LRRC4C: variants seen among roughly 807,000 people sequenced by gnomAD.
LRRC4C encodes the protein leucine-rich repeat-containing protein 4C.
In LRRC4C, 5 loss-of-function variants were observed where a neutral mutation model predicts 33.6. That is an observed-to-expected ratio of 0.15 (90% CI 0.08 to 0.31). The LOEUF is 0.31. Among genes scored for constraint, LRRC4C ranks in the 10% least tolerant of loss-of-function variants. The pLI, the probability that LRRC4C is intolerant of heterozygous loss-of-function variation, is 1.00. For synonymous variants in LRRC4C, 329 were observed against 302.0 expected, an observed-to-expected ratio of 1.09 and a Z score of -0.93; for missense variants, 560 against 796.7, an observed-to-expected ratio of 0.70 and a Z score of 3.58.
At chr11:40,548,041 AT>A (rs1233040995) in intron 3 of LRRC4C, among the ~76,000 whole-genome samples, 3 of 152,092 alleles carry the variant, frequency 2.0e-5, no homozygotes, top group Admixed American at 1.3e-4. Flanking sequence ...TATGTCAAAG[AT>A]TAGTAAATGC....
At chr11:41,071,943 T>C (rs758762229) in intron 1 of LRRC4C, among the ~76,000 whole-genome samples, 2 of 152,140 alleles carry the variant, frequency 1.3e-5, no homozygotes, top group African/African-American at 2.4e-5. Flanking sequence ...GCAGATGTGA[T>C]AGAAATAGCA....
At chr11:40,298,400 G>T (rs1468671479) in intron 4 of LRRC4C, among the ~76,000 whole-genome samples, 1 of 150,570 alleles carries the variant, frequency 6.6e-6, no homozygotes, top group Non-Finnish European at 1.5e-5. Context: ...GATCTAGAAT[G>T]GTCTCAGCTA....
chr11:40,236,755 C>T (rs1865592238), intron 5 of LRRC4C, among the ~76,000 whole-genome samples: 1 of 151,966 alleles, frequency 6.6e-6, no homozygotes, highest in Non-Finnish European at 1.5e-5. Flanking sequence ...AGGGAGCTGC[C>T]CTGGAGAACA....
At chr11:41,245,086 C>T (rs771206599) in intron 1 of LRRC4C, among the ~76,000 whole-genome samples, 53 of 152,150 alleles carry the variant, frequency 3.5e-4, no homozygotes, top group Non-Finnish European at 6.5e-4. Flanking sequence ...CTCATCTTTC[C>T]TATCTTTCAG....
chr11:40,546,614 C>T (rs1371289382), intron 3 of LRRC4C, among the ~76,000 whole-genome samples: 3 of 151,984 alleles, frequency 2.0e-5, no homozygotes, highest in Non-Finnish European at 2.9e-5. Context: ...CATGGTCACC[C>T]AACCTACAGA....
At chr11:41,116,360 C>A (rs890725952) in intron 1 of LRRC4C, among the ~76,000 whole-genome samples, 3 of 152,008 alleles carry the variant, frequency 2.0e-5, no homozygotes, top group Non-Finnish European at 4.4e-5. Context: ...TTTAACAAAG[C>A]CCAATTACAT....
intron 1 of LRRC4C, among the ~76,000 whole-genome samples, chr11:41,395,015 T>C (rs1953749896): frequency 6.6e-6 from 1 of 151,930 alleles, no homozygotes; most frequent in African/African-American, 2.4e-5. Flanking sequence ...TAGGCTTCAA[T>C]AATGTCTGAA....
chr11:40,864,726 A>G (rs1954268519), intron 2 of LRRC4C, among the ~76,000 whole-genome samples: 1 of 152,294 alleles, frequency 6.6e-6, no homozygotes, highest in Non-Finnish European at 1.5e-5. Context: ...GAAGCTAATA[A>G]TTAATCTGCA....
At chr11:40,619,279 C>T (rs77857840) in intron 3 of LRRC4C, among the ~76,000 whole-genome samples, 1,966 of 151,702 alleles carry the variant, frequency 0.013, 47 homozygotes, top group African/African-American at 0.045. Context: ...TAACTTAATG[C>T]AATTGTATTA....
At chr11:40,884,113 G>A (rs962303691) in intron 2 of LRRC4C, among the ~76,000 whole-genome samples, 4 of 151,836 alleles carry the variant, frequency 2.6e-5, no homozygotes, top group African/African-American at 9.7e-5. Context: ...CCTTTCCTGT[G>A]TCCATGTGTT....
At position 41,391,785 on chromosome 11, in the gene LRRC4C, C is replaced by G. The variant is rs561908669; in HGVS notation, c.-496+67646G>C. On this transcript the variant is annotated intron_variant, in intron 1 of 6. Transcript: ENST00000528697. ...ATACTTATTGGCTATCTGCCAAACC[C>G]TCAGTATTGATAAATATTTTTACAT... is the stretch of plus-strand genomic sequence containing the variant. Among the ~76,000 whole-genome samples the G allele has an allele frequency of 2.0e-5, 3 of 151,896 alleles. No individual in the cohort carries two copies. The South Asian group carries it at 6.2e-4, about 32-fold the overall frequency.
At chr11:40,743,911 C>G (rs1948288003) in intron 2 of LRRC4C, among the ~76,000 whole-genome samples, 1 of 152,092 alleles carries the variant, frequency 6.6e-6, no homozygotes, top group African/African-American at 2.4e-5. Flanking sequence ...TGTCTTCTAT[C>G]TGGAATGCTC....
intron 2 of LRRC4C, among the ~76,000 whole-genome samples, chr11:40,850,972 A>C (rs1953458337): frequency 6.6e-6 from 1 of 151,748 alleles, no homozygotes; most frequent in African/African-American, 2.4e-5. Flanking sequence ...TGGCAGACCC[A>C]CCTCCCCCCA....
chr11:40,213,214 T>C (rs1198502017), intron 5 of LRRC4C, among the ~76,000 whole-genome samples: 1 of 152,156 alleles, frequency 6.6e-6, no homozygotes, highest in Non-Finnish European at 1.5e-5. Flanking sequence ...GGAAATAATG[T>C]CCACAATCTT....
rs544983875 is a variant in LRRC4C at position 40,848,386 on chromosome 11, G to A, written c.-407+85249C>T. Among the ~76,000 whole-genome samples the A allele has an allele frequency of 1.6e-3, 237 of 151,862 alleles. 2 individuals are homozygous for A. Among genetic ancestry groups the A allele is most frequent in the African/African-American group, 5.5e-3 (228 of 41,440 alleles). ...TGGTTTCAAATAACTTATTTATTTC[G>A]GTCTTCCTTTCATTATTTACCCAGT... On this transcript the variant is annotated intron_variant, in intron 2 of 6. Transcript: ENST00000528697.
intron 2 of LRRC4C, among the ~76,000 whole-genome samples, chr11:40,877,098 C>T (rs1954934412): frequency 6.6e-6 from 1 of 150,578 alleles, no homozygotes; most frequent in Non-Finnish European, 1.5e-5. Flanking sequence ...AATTTAAACT[C>T]ATCCTGTAAA....
At chr11:41,313,942 T>G (rs1345798587) in intron 1 of LRRC4C, among the ~76,000 whole-genome samples, 5 of 152,188 alleles carry the variant, frequency 3.3e-5, no homozygotes, top group Admixed American at 6.5e-5. Flanking sequence ...ATAAAAATGT[T>G]GTTTTCCTTG....
chr11:41,210,944 G>C (rs1161202178), intron 1 of LRRC4C, among the ~76,000 whole-genome samples: 1 of 152,138 alleles, frequency 6.6e-6, no homozygotes, highest in Non-Finnish European at 1.5e-5. Context: ...ATGCAACCTA[G>C]ATCCCTCACA....
intron 3 of LRRC4C, among the ~76,000 whole-genome samples, chr11:40,396,561 T>C (rs1376601524): frequency 6.6e-6 from 1 of 152,078 alleles, no homozygotes; most frequent in Non-Finnish European, 1.5e-5. Context: ...ATTACAAAGA[T>C]AAAAGTAAAA....
Sources: allele counts gnomAD v4.1 joint callset (sites outside exome capture counted in the v4.1 genomes callset), GRCh38; gene constraint gnomAD v4.1.1; transcripts MANE v1.5; gene names NCBI Gene and HGNC (gene_info 2026-07-23, HGNC 2026-07-21).